Variants in KIAA1549L observed in about 807,000 individuals in gnomAD.
KIAA1549L encodes the protein KIAA1549 like, also known as UPF0606 protein KIAA1549L.
A neutral mutation model predicts 160.7 loss-of-function variants in KIAA1549L; 88 were observed. That is an observed-to-expected ratio of 0.55 (90% CI 0.46 to 0.65). The LOEUF (loss-of-function observed/expected upper bound fraction) is 0.65. Among genes scored for constraint, KIAA1549L ranks in the 30% least tolerant of loss-of-function variants. The pLI, the probability that KIAA1549L is intolerant of heterozygous loss-of-function variation, is 0.00. For synonymous variants in KIAA1549L, 950 were observed against 976.7 expected, an observed-to-expected ratio of 0.97 and a Z score of 0.51; for missense variants, 2,258 against 2,437.5, an observed-to-expected ratio of 0.93 and a Z score of 1.55.
intron 1 of KIAA1549L, among the ~76,000 whole-genome samples, chr11:33,486,204 G>A (rs962346332): frequency 2.0e-5 from 3 of 152,066 alleles, no homozygotes; most frequent in Non-Finnish European, 4.4e-5. Context: ...GTAAATATTG[G>A]CGAGGCTGTG....
chr11:33,382,142 G>A (rs369253526), intron 1 of KIAA1549L, among the ~76,000 whole-genome samples: 1 of 152,122 alleles, frequency 6.6e-6, no homozygotes, highest in African/African-American at 2.4e-5. Flanking sequence ...AGAAGAGAGA[G>A]GGAGATCTGA....
chr11:33,576,376 T>C (rs1361740704), intron 10 of KIAA1549L, among the ~76,000 whole-genome samples: 9 of 152,224 alleles, frequency 5.9e-5, no homozygotes. Context: ...CTCTGCAATC[T>C]TGTTTTTCAA....
chr11:33,588,206 G>C (rs895225587), intron 11 of KIAA1549L, among the ~76,000 whole-genome samples: 1 of 152,196 alleles, frequency 6.6e-6, no homozygotes, highest in African/African-American at 2.4e-5. Flanking sequence ...AGCTGAAACT[G>C]AGCCGCTTGA....
At chr11:33,547,357 GC>G (rs1360320153) in intron 3 of KIAA1549L, among the ~76,000 whole-genome samples, 1 of 152,190 alleles carries the variant, frequency 6.6e-6, no homozygotes, top group Non-Finnish European at 1.5e-5. Flanking sequence ...CATCCCACTT[GC>G]GAGGTGGGGA....
At chr11:33,575,502 G>C (rs575319434) in intron 10 of KIAA1549L, among the ~76,000 whole-genome samples, 10 of 152,318 alleles carry the variant, frequency 6.6e-5, no homozygotes, top group African/African-American at 2.4e-4. Context: ...CTCACTTTCT[G>C]TTCTCATTGG....
chr11:33,648,710 C>T (rs1177828263), intron 17 of KIAA1549L, among the ~76,000 whole-genome samples: 1 of 151,648 alleles, frequency 6.6e-6, no homozygotes, highest in Non-Finnish European at 1.5e-5. Context: ...AAATTGGACT[C>T]CACATCTAAT....
intron 1 of KIAA1549L, among the ~76,000 whole-genome samples, chr11:33,427,555 C>T (rs1463023440): frequency 1.3e-5 from 2 of 152,134 alleles, no homozygotes; most frequent in African/African-American, 4.8e-5. Flanking sequence ...CAGCAAACCC[C>T]CTTGAAATAA....
At chr11:33,607,358 T>C (rs935983440) in intron 14 of KIAA1549L, among the ~76,000 whole-genome samples, 5 of 152,208 alleles carry the variant, frequency 3.3e-5, no homozygotes, top group Admixed American at 6.5e-5. Flanking sequence ...TTAGTCAACT[T>C]TCCTAAGAGT....
intron 1 of KIAA1549L, among the ~76,000 whole-genome samples, chr11:33,497,604 C>T (rs1404733000): frequency 2.0e-5 from 3 of 152,112 alleles, no homozygotes; most frequent in Non-Finnish European, 2.9e-5. Context: ...TTTAGTATAT[C>T]TGGAAGGATG....
chr11:33,395,108 C>T (rs930009262), intron 1 of KIAA1549L, among the ~76,000 whole-genome samples: 2 of 152,192 alleles, frequency 1.3e-5, no homozygotes, highest in East Asian at 1.9e-4. Flanking sequence ...AGTTTGCAAT[C>T]CCTGCTTTTA....
intron 1 of KIAA1549L, among the ~76,000 whole-genome samples, chr11:33,425,721 C>A (rs145455558): frequency 6.6e-6 from 1 of 152,164 alleles, no homozygotes; most frequent in South Asian, 2.1e-4. Context: ...TTGCATCACA[C>A]GTCATATGGA....
chr11:33,598,213 T>G (rs1666857063), intron 12 of KIAA1549L, among the ~76,000 whole-genome samples: 1 of 144,726 alleles, frequency 6.9e-6, no homozygotes, highest in South Asian at 2.1e-4. Flanking sequence ...TGTGTGTGTG[T>G]GTGTGTGTGT....
At chr11:33,424,630 T>C (rs905937673) in intron 1 of KIAA1549L, among the ~76,000 whole-genome samples, 2 of 152,204 alleles carry the variant, frequency 1.3e-5, no homozygotes, top group African/African-American at 4.8e-5. Context: ...TGTTAAGAAA[T>C]AAATTTTGTA....
chr11:33,614,572 ATATATATATATATTTTT>A (rs1564924912), intron 15 of KIAA1549L, among the ~76,000 whole-genome samples: 2 of 14,898 alleles, frequency 1.3e-4, no homozygotes, highest in African/African-American at 1.6e-3. Flanking sequence ...ATATATATAT[ATATATATATATATTTTT>A]TTTTTTTTTT....
chr11:33,636,288 G>A (rs2133385246), intron 16 of KIAA1549L, among the ~76,000 whole-genome samples: 1 of 150,410 alleles, frequency 6.6e-6, no homozygotes, highest in South Asian at 2.1e-4. Flanking sequence ...TGCTGACTTA[G>A]TAAGGAAAGA....
At chr11:33,616,725 GA>G (rs370097016) in intron 15 of KIAA1549L, among the ~76,000 whole-genome samples, 22 of 152,052 alleles carry the variant, frequency 1.4e-4, no homozygotes, top group African/African-American at 4.3e-4. Context: ...GTGTGTCTAT[GA>G]AAAAAAATGT....
At chr11:33,403,361 A>AG (rs1491170809) in intron 1 of KIAA1549L, 10 of 151,602 alleles carry the variant, frequency 6.6e-5, no homozygotes, top group Non-Finnish European at 1.5e-4. Flanking sequence ...AGACACACAC[A>AG]GACACATGCA....
chr11:33,530,595 G>A (rs927333144), intron 1 of KIAA1549L, among the ~76,000 whole-genome samples: 2 of 150,964 alleles, frequency 1.3e-5, no homozygotes, highest in South Asian at 2.1e-4. Flanking sequence ...GAAAGATGCC[G>A]GGAGAAGAAG....
intron 17 of KIAA1549L, among the ~76,000 whole-genome samples, chr11:33,648,497 A>G (rs768086072): frequency 1.7e-5 from 2 of 118,890 alleles, no homozygotes; most frequent in Non-Finnish European, 3.7e-5. Flanking sequence ...GCAATTTAGA[A>G]TGATAACTAT....
Sources: allele counts gnomAD v4.1 joint callset (sites outside exome capture counted in the v4.1 genomes callset), GRCh38; gene constraint gnomAD v4.1.1; transcripts MANE v1.5; gene names NCBI Gene and HGNC (gene_info 2026-07-23, HGNC 2026-07-21).